CT47C1: variants seen among roughly 807,000 people sequenced by gnomAD.
The protein encoded by CT47C1 is cancer/testis antigen family 47 member A11 pseudogene.
the CT47C1 span, chrX:119,073,268 G>C: frequency 4.0e-6 from 2 of 499,149 alleles, no homozygotes; most frequent in East Asian, 3.3e-5. Context: ...AGAGGACCAG[G>C]AGGCTCCAGT....
chrX:119,073,802 C>T, the CT47C1 span: 6 of 865,717 alleles, frequency 6.9e-6, no homozygotes, highest in Admixed American at 1.4e-4. Context: ...CCTGGGCCTG[C>T]TCCAGGAGGC....
the CT47C1 span, chrX:119,075,057 G>C: frequency 3.7e-6 from 4 of 1,087,303 alleles, no homozygotes; most frequent in African/African-American, 7.3e-5. Flanking sequence ...CTGAAAACAA[G>C]GTGAAGAACT....
At chrX:119,076,667 G>A in the CT47C1 span, among the ~76,000 whole-genome samples, 1 of 112,356 alleles carries the variant, frequency 8.9e-6, no homozygotes, top group African/African-American at 3.2e-5. Context: ...TGTTTGATAT[G>A]TGCTGTAAGT....
the CT47C1 span, chrX:119,074,201 G>T: frequency 2.5e-6 from 1 of 393,099 alleles, no homozygotes; most frequent in Admixed American, 4.5e-5. Context: ...CGGGCCTCGG[G>T]TGGTGAAGTG....
At chrX:119,075,488 C>T in the CT47C1 span, among the ~76,000 whole-genome samples, 1 of 111,958 alleles carries the variant, frequency 8.9e-6, no homozygotes, top group Non-Finnish European at 1.9e-5. Context: ...ATTACTTAGC[C>T]ACAGAAATGC....
chrX:119,075,731 C>CTT, the CT47C1 span, among the ~76,000 whole-genome samples: 23 of 87,129 alleles, frequency 2.6e-4, no homozygotes, highest in African/African-American at 8.5e-4. Flanking sequence ...TTTCTTTTTT[C>CTT]TTTTTTTTTT....
chrX:119,075,329 T>A, the CT47C1 span, among the ~76,000 whole-genome samples: 1 of 112,641 alleles, frequency 8.9e-6, no homozygotes. Flanking sequence ...TACTCATTTG[T>A]TCATGTTGAG....
the CT47C1 span, among the ~76,000 whole-genome samples, chrX:119,076,605 C>A: frequency 8.9e-6 from 1 of 112,254 alleles, no homozygotes; most frequent in Admixed American, 9.4e-5. Context: ...CTGTCTACTA[C>A]CTTAGTCACT....
the CT47C1 span, chrX:119,073,682 C>A: frequency 3.2e-6 from 2 of 620,076 alleles, no homozygotes; most frequent in East Asian, 6.8e-5. Flanking sequence ...GCGTGGCGGC[C>A]GCCTGATGCG....
chrX:119,075,050 A>G, the CT47C1 span: 8 of 1,091,634 alleles, frequency 7.3e-6, no homozygotes, highest in Non-Finnish European at 8.8e-6. Flanking sequence ...AAGGATGCTG[A>G]AAACAAGGTG....
At chrX:119,075,731 CTTT>C in the CT47C1 span, among the ~76,000 whole-genome samples, 399 of 87,119 alleles carry the variant, frequency 4.6e-3, 3 homozygotes, top group African/African-American at 0.016. Context: ...TTTCTTTTTT[CTTT>C]TTTTTTTTTT....
chrX:119,076,131 A>C, the CT47C1 span: 2 of 112,869 alleles, frequency 1.8e-5, no homozygotes, highest in South Asian at 7.2e-4. Context: ...CTAACGTACC[A>C]TTGTTTATTT....
At chrX:119,074,159 A>C in the CT47C1 span, 1 of 423,330 alleles carries the variant, frequency 2.4e-6, no homozygotes, top group Admixed American at 3.9e-5. Context: ...CGGTGTGCGC[A>C]CAGCTGGTGA....
At chrX:119,075,094 G>A in the CT47C1 span, 2 of 1,083,318 alleles carry the variant, frequency 1.8e-6, no homozygotes, top group Admixed American at 4.4e-5. Context: ...GCAGCAGAGG[G>A]GAAGCTGAGA....
chrX:119,074,334 A>G, the CT47C1 span, among the ~76,000 whole-genome samples: 1 of 111,860 alleles, frequency 8.9e-6, no homozygotes, highest in Non-Finnish European at 1.9e-5. Context: ...TGTTTGATAG[A>G]AGATCTGAGA....
At chrX:119,075,746 T>C in the CT47C1 span, among the ~76,000 whole-genome samples, 1 of 106,395 alleles carries the variant, frequency 9.4e-6, no homozygotes, top group Non-Finnish European at 1.9e-5. Flanking sequence ...TTTTTTTTTT[T>C]GCATTTTCAC....
the CT47C1 span, chrX:119,073,306 C>T: frequency 2.9e-5 from 15 of 510,621 alleles, no homozygotes; most frequent in African/African-American, 3.2e-4. Context: ...AGGCCGAGGC[C>T]GTAGGTGACC....
the CT47C1 span, chrX:119,074,842 T>G: frequency 1.2e-6 from 1 of 821,807 alleles, no homozygotes; most frequent in Non-Finnish European, 1.7e-6. Flanking sequence ...CTTTCTTAGT[T>G]AAGTCTATCC....
chrX:119,073,551 A>G, the CT47C1 span: 1 of 520,306 alleles, frequency 1.9e-6, no homozygotes, highest in African/African-American at 2.3e-5. Context: ...GAGGCGGACA[A>G]CTTCGACTTG....
Sources: allele counts gnomAD v4.1 joint callset (sites outside exome capture counted in the v4.1 genomes callset), GRCh38; gene constraint gnomAD v4.1.1; transcripts MANE v1.5; gene names NCBI Gene and HGNC (gene_info 2026-07-23, HGNC 2026-07-21).